Variants in DNMT3B observed in about 807,000 individuals in gnomAD.
DNMT3B encodes the protein DNA methyltransferase 3 beta.
Under a neutral mutation model 120.2 loss-of-function variants are expected in DNMT3B, and 37 were observed. The ratio of observed to expected loss-of-function variants is 0.31; its 90% CI spans 0.24 to 0.40. The LOEUF (loss-of-function observed/expected upper bound fraction) is 0.40, where lower values mean the gene tolerates loss of function less well. Ranked by LOEUF, DNMT3B falls within the 10% of genes least tolerant of loss-of-function variation. DNMT3B has a pLI of 1.00. For missense variants in DNMT3B, 878 were observed against 1,137.3 expected (o/e 0.77, Z 3.28); for synonymous variants, 412 against 442.8 (o/e 0.93, Z 0.87).
At chr20:32,800,320 C>T (rs368625852) in intron 17 of DNMT3B, 22 bp downstream of exon 17, 117 of 1,613,672 alleles carry the variant, frequency 7.3e-5, no homozygotes, top group Non-Finnish European at 8.7e-5. Flanking sequence ...CTGTACCTTG[C>T]GGGCCTCATC....
In DNMT3B at chr20:32,800,832, C is replaced by T. The variant is rs1300074797; in HGVS notation, c.1906-3C>T. On this transcript the variant is annotated splice_polypyrimidine_tract_variant and splice_region_variant and intron_variant, in intron 17 of 22. Transcript: ENST00000328111. ...TCATCCTGACTCTGTCTCTCTCTTTCAGATTGAAGAATGGGGCCCATTTGA... is the reference window on the plus strand; with the variant it reads ...TCATCCTGACTCTGTCTCTCTCTTTTAGATTGAAGAATGGGGCCCATTTGA... The T allele has an allele frequency of 6.2e-7, 1 of 1,614,126 alleles. No homozygotes were observed. Among genetic ancestry groups the T allele is most frequent in the African/African-American group, 1.3e-5 (1 of 75,052 alleles).
At chr20:32,774,625 C>T (rs1044000609) in intron 1 of DNMT3B, among the ~76,000 whole-genome samples, 7 of 147,992 alleles carry the variant, frequency 4.7e-5, no homozygotes, top group African/African-American at 1.7e-4. Flanking sequence ...AAAGAGTGAA[C>T]GTTGTACCTG....
Position 32,795,451 on chromosome 20 carries a change from C to G in DNMT3B, c.1169C>G (p.Ser390Cys). 6.2e-7 allele frequency: 1 copy of G among 1,614,174 alleles called. No homozygotes were observed. ...CGCACAGCTGACGACTCAGCCACCT[C>G]TGACTACTGCCCCGCACCCAAGCGC... ...RRRTADDSATSDYCPAPKRLK... is the reference protein window; with the variant it reads ...RRRTADDSATCDYCPAPKRLK... Residue 390 changes from serine to cysteine, a missense_variant, in exon 11 of 23, where the codon TCT becomes TGT. By Grantham distance (112) the Ser-to-Cys change is moderately radical (BLOSUM62 -1). Around this residue, in one of 4 missense-constraint regions of DNMT3B, gnomAD observed 207 missense variants for 222.6 expected, o/e 0.93. Transcript: ENST00000328111.
At position 32,800,808 on chromosome 20, in the gene DNMT3B, C is replaced by T. The variant is rs1981240817; in HGVS notation, c.1906-27C>T. ...CTCTCTTTCCCTCTGTCCACACCCT[C>T]ATCCTGACTCTGTCTCTCTCTTTCA... On this transcript the variant is annotated intron_variant, in intron 17 of 22. Coordinates refer to ENST00000328111, the MANE Select transcript of DNMT3B (RefSeq NM_006892.4). 3.1e-6 allele frequency: 5 copies of T among 1,611,894 alleles called. No individual in the cohort carries two copies. The African/African-American group carries it at 6.7e-5, about 21-fold the overall frequency.
chr20:32,806,042 C>T (rs559830973), intron 21 of DNMT3B, among the ~76,000 whole-genome samples, 167 bp from the exon 22 acceptor site: 4 of 152,112 alleles, frequency 2.6e-5, no homozygotes, highest in African/African-American at 7.2e-5. Context: ...TCCTCTCCCG[C>T]GCCTGCCCTC....
intron 1 of DNMT3B, among the ~76,000 whole-genome samples, chr20:32,778,352 G>A (rs1253137500): frequency 2.2e-5 from 3 of 133,512 alleles, no homozygotes; most frequent in Non-Finnish European, 4.7e-5. Flanking sequence ...GCGACAGAGG[G>A]AGACTCTGTC....
rs937385003 is a variant in DNMT3B at position 32,780,372 on chromosome 20, A to G, written c.49A>G (p.Arg17Gly). Reference sequence around the variant, plus strand: ...CAATGGAGAGGAGGACGCCGGCGGGAGGGAAGACTCGATCCTCGTCAACGG... The same window carrying G: ...CAATGGAGAGGAGGACGCCGGCGGGGGGGAAGACTCGATCCTCGTCAACGG... ...HLNGEEDAGG[R>G]EDSILVNGAC... Residue 17 changes from arginine to glycine, a missense_variant, in exon 2 of 23, where the codon AGG becomes GGG. Around this residue, in one of 4 missense-constraint regions of DNMT3B, gnomAD observed 287 missense variants for 306.2 expected, o/e 0.94. Transcript: ENST00000328111. 1.2e-6 allele frequency: 2 copies of G among 1,613,742 alleles called. No homozygotes were observed. Among genetic ancestry groups the G allele is most frequent in the Non-Finnish European group, 1.7e-6 (2 of 1,180,004 alleles).
chr20:32,780,018 G>A (rs1176673108), intron 1 of DNMT3B: 1 of 1,495,124 alleles, frequency 6.7e-7, no homozygotes, highest in South Asian at 1.2e-5. Context: ...GAAGGGGCCG[G>A]CTAATTGCAC....
At position 32,801,028 on chromosome 20, in the gene DNMT3B, A is replaced by G. The variant is rs1231172063; in HGVS notation, c.1996+103A>G. 3.5e-6 allele frequency: 5 copies of G among 1,427,906 alleles called. No homozygotes were observed. The East Asian group carries it at 1.1e-4, about 32-fold the overall frequency. 88.5% of individuals were successfully genotyped at this position (1,427,906 alleles called of 1,614,324 possible). On this transcript the variant is annotated intron_variant, in intron 18 of 22. Transcript: ENST00000328111. ...GGAGCCACTTGCTTCTGGCCAAGTT[A>G]CTGGCAGCATCAGGGGCCTGTTGGT...
At chr20:32,785,130 C>T (rs1305162104) in intron 4 of DNMT3B, among the ~76,000 whole-genome samples, 2 of 151,688 alleles carry the variant, frequency 1.3e-5, no homozygotes, top group African/African-American at 4.9e-5. Flanking sequence ...ACCTCTGCCT[C>T]CTTGGTCCAA....
intron 14 of DNMT3B, 33 bp downstream of exon 14, chr20:32,797,332 T>A (rs1025794345): frequency 2.7e-5 from 44 of 1,605,554 alleles, no homozygotes; most frequent in Non-Finnish European, 3.6e-5. Context: ...TGGATGTGGG[T>A]GGGCCCCCAA....
intron 19 of DNMT3B, 98 bp downstream of exon 19, chr20:32,801,524 C>T (rs1335036301): frequency 9.9e-6 from 15 of 1,507,766 alleles, no homozygotes; most frequent in African/African-American, 1.4e-5. Context: ...TTGGGAATGA[C>T]TTTCCCGTTC....
At chr20:32,781,618 C>T (rs1382111590) in intron 3 of DNMT3B, among the ~76,000 whole-genome samples, 1 of 152,254 alleles carries the variant, frequency 6.6e-6, no homozygotes, top group Non-Finnish European at 1.5e-5. Flanking sequence ...GTAGTCCCCT[C>T]TTATCTGTCA....
chr20:32,771,472 C>G (rs1286748208), intron 1 of DNMT3B, among the ~76,000 whole-genome samples: 1 of 152,004 alleles, frequency 6.6e-6, no homozygotes, highest in Non-Finnish European at 1.5e-5. Context: ...GAAACCCTAT[C>G]TCTACTAAAA....
In DNMT3B at chr20:32,801,339, G is replaced by C. The variant is rs773365247; in HGVS notation, c.2058G>C (p.Glu686Asp). The change falls in exon 19 of 23, where the codon GAG becomes GAC. Residue 686 changes from glutamate (E) to aspartate (D), a missense_variant. Glu to Asp is a conservative substitution (Grantham distance 45). Around this residue, in one of 4 missense-constraint regions of DNMT3B, gnomAD observed 334 missense variants for 518.8 expected, o/e 0.64. Transcript: ENST00000328111. ...TGCTGAATTACTCACGCCCCAAGGA[G>C]GGTGATGACCGGCCGTTCTTCTGGA... The part of the protein sequence containing the change: ...YHLLNYSRPK[E>D]GDDRPFFWMF... 3.1e-6 allele frequency: 5 copies of C among 1,614,070 alleles called. No homozygotes were observed. The Admixed American group carries it at 8.3e-5, about 27-fold the overall frequency.
chr20:32,772,944 C>T (rs1255449773), intron 1 of DNMT3B, among the ~76,000 whole-genome samples: 1 of 148,310 alleles, frequency 6.7e-6, no homozygotes, highest in African/African-American at 2.5e-5. Context: ...GGCACGATCC[C>T]GAGTAGCTGG....
At chr20:32,798,382 C>T in intron 14 of DNMT3B, 78 bp from the exon 15 acceptor site, 15 of 1,582,082 alleles carry the variant, frequency 9.5e-6, no homozygotes, top group Non-Finnish European at 1.3e-5. Flanking sequence ...GTTGGCATTT[C>T]CCTGTGGAAG....
At chr20:32,791,547 A>G (rs974158385) in intron 7 of DNMT3B, 54 bp from the exon 8 acceptor site, 26 of 1,562,038 alleles carry the variant, frequency 1.7e-5, no homozygotes, top group Middle Eastern at 1.7e-4. Context: ...TGTGATAGAC[A>G]TGGCACCTGG....
At chr20:32,784,510 G>A (rs905387389) in intron 3 of DNMT3B, among the ~76,000 whole-genome samples, 5 of 152,170 alleles carry the variant, frequency 3.3e-5, no homozygotes, top group African/African-American at 1.2e-4. Flanking sequence ...GCTTATGCTG[G>A]GTTTTGGTGT....
Sources: gnomAD v4.1 joint callset for allele counts (sites outside exome capture counted in the v4.1 genomes callset) on GRCh38, gnomAD v4.1.1 for gene constraint, gnomAD v4.1.1 regional missense constraint, MANE v1.5 for transcripts, NCBI Gene and HGNC (gene_info 2026-07-23, HGNC 2026-07-21) for gene names.